The following ESRRB variants were observed in gnomAD, a reference collection of about 807,000 sequenced individuals.
ESRRB encodes estrogen related receptor beta, also known as steroid hormone receptor ERR2.
A neutral mutation model predicts 46.0 loss-of-function variants in ESRRB; 16 were observed. The observed-to-expected ratio is 0.35, with a 90% CI of 0.24 to 0.53. The LOEUF is 0.53. Ranked by LOEUF, ESRRB falls within the 20% of genes least tolerant of loss-of-function variation. ESRRB has a pLI of 0.93. For missense variants in ESRRB, 488 were observed against 607.4 expected, an observed-to-expected ratio of 0.80 and a Z score of 2.07; for synonymous variants, 246 against 259.6, an observed-to-expected ratio of 0.95 and a Z score of 0.50.
At chr14:76,463,015 G>A (rs1406272942) in intron 3 of ESRRB, among the ~76,000 whole-genome samples, 6 of 152,208 alleles carry the variant, frequency 3.9e-5, no homozygotes, top group Non-Finnish European at 7.3e-5. Flanking sequence ...TCAAGGGCTT[G>A]GGGGTGAAAA....
intron 1 of ESRRB, among the ~76,000 whole-genome samples, chr14:76,332,830 AT>A (rs1884049439): frequency 1.4e-4 from 3 of 22,134 alleles, no homozygotes; most frequent in Non-Finnish European, 2.5e-4. Flanking sequence ...TTATATATTT[AT>A]ATATTATATA....
At chr14:76,335,570 A>C (rs564677132) in intron 1 of ESRRB, among the ~76,000 whole-genome samples, 2 of 152,334 alleles carry the variant, frequency 1.3e-5, no homozygotes, top group East Asian at 3.9e-4. Flanking sequence ...GTGTACAGTT[A>C]GGTGAAAAGG....
chr14:76,452,620 C>CAAAAAA (rs766430065), intron 2 of ESRRB, among the ~76,000 whole-genome samples: 2 of 39,270 alleles, frequency 5.1e-5, no homozygotes, highest in Admixed American at 2.9e-4. Context: ...ACTCTGTCTC[C>CAAAAAA]AAAAAAAAAA....
At chr14:76,408,591 CAAAAAAAA>C (rs35955826) in intron 1 of ESRRB, among the ~76,000 whole-genome samples, 24 of 42,152 alleles carry the variant, frequency 5.7e-4, no homozygotes, top group African/African-American at 1.2e-3. Context: ...GACCCTGTCT[CAAAAAAAA>C]AAAAAAAAAA....
intron 1 of ESRRB, among the ~76,000 whole-genome samples, chr14:76,427,598 C>A (rs1004373801): frequency 2.6e-5 from 4 of 152,130 alleles, no homozygotes; most frequent in African/African-American, 9.7e-5. Flanking sequence ...AGAGAGGGAG[C>A]AAGACAGTCT....
At chr14:76,440,588 CCT>C (rs142942413) in intron 2 of ESRRB, among the ~76,000 whole-genome samples, 13 of 149,422 alleles carry the variant, frequency 8.7e-5, no homozygotes, top group Non-Finnish European at 1.2e-4. Context: ...TTCCTCCCTT[CCT>C]CTCTCTCTCT....
In ESRRB at chr14:76,491,445, A is replaced by T. The variant is rs1261105707; in HGVS notation, c.851-2A>T. 4 of 1,607,140 alleles carry T rather than the reference A, an allele frequency of 2.5e-6. No individual in the cohort carries two copies. The Admixed American group carries it at 5.1e-5, about 20-fold the overall frequency. ...TGCCCTCTGTGCCCCCTCTTCCTGC[A>T]GGCTTCTCAAGCCTCTCCCTGGGGG... is the stretch of plus-strand genomic sequence containing the variant. On this transcript the variant is annotated splice_acceptor_variant, in intron 5 of 6. Transcript: ENST00000644823. LOFTEE classifies it high-confidence loss of function.
At chr14:76,398,804 C>T (rs1192657460) in intron 1 of ESRRB, among the ~76,000 whole-genome samples, 1 of 152,078 alleles carries the variant, frequency 6.6e-6, no homozygotes, top group African/African-American at 2.4e-5. Flanking sequence ...AGGCTGTGTG[C>T]CTTGCTCAGG....
At position 76,394,649 on chromosome 14, in the gene ESRRB, G is replaced by C. The variant is rs552907209; in HGVS notation, c.50+18198G>C. Among the ~76,000 whole-genome samples, 35 of 152,356 alleles carry C rather than the reference G, an allele frequency of 2.3e-4. No individual in the cohort carries two copies. The South Asian group carries it at 7.3e-3, about 32-fold the overall frequency. On this transcript the variant is annotated intron_variant, in intron 1 of 6. Transcript: ENST00000644823. Reference sequence around the variant, plus strand: ...GGTGCAGAAGGAAAGCCAGGGCTTGGCCTCTTGACCTTTACCCAGAGCTGT... The same window carrying C: ...GGTGCAGAAGGAAAGCCAGGGCTTGCCCTCTTGACCTTTACCCAGAGCTGT...
At chr14:76,373,077 T>C (rs1421651450), upstream of ESRRB, among the ~76,000 whole-genome samples, 2 of 152,214 alleles carry the variant, frequency 1.3e-5, no homozygotes, top group South Asian at 2.1e-4. Context: ...TTAAAGGCAT[T>C]TGTCACAAAA....
chr14:76,449,760 C>T (rs1888304357), intron 2 of ESRRB, among the ~76,000 whole-genome samples: 1 of 130,188 alleles, frequency 7.7e-6, no homozygotes, highest in African/African-American at 3.7e-5. Flanking sequence ...TTTTTTCTTT[C>T]CTTTTTTTTT....
intron 1 of ESRRB, among the ~76,000 whole-genome samples, chr14:76,435,788 G>A (rs1374640181): frequency 2.0e-5 from 3 of 152,220 alleles, no homozygotes; most frequent in African/African-American, 4.8e-5. Flanking sequence ...CCGAGATCAC[G>A]CCATTGCATT....
At chr14:76,465,396 G>A (rs142983641) in intron 3 of ESRRB, among the ~76,000 whole-genome samples, 26 of 152,322 alleles carry the variant, frequency 1.7e-4, no homozygotes, top group African/African-American at 5.8e-4. Flanking sequence ...ACTTTCTAGT[G>A]GCTTCCCAGA....
upstream of ESRRB, chr14:76,371,475 A>C (rs1050319641): frequency 1.3e-5 from 2 of 152,302 alleles, no homozygotes; most frequent in African/African-American, 4.8e-5. Flanking sequence ...TGGCAATGGA[A>C]GCTCTTCCTG....
At chr14:76,364,237 C>T (rs932741208) in intron 1 of ESRRB, among the ~76,000 whole-genome samples, 13 of 152,166 alleles carry the variant, frequency 8.5e-5, no homozygotes, top group Non-Finnish European at 1.6e-4. Context: ...AATAGAGTTT[C>T]TGTCTTTATT....
chr14:76,311,742 T>C (rs1267790154), intron 1 of ESRRB, among the ~76,000 whole-genome samples: 1 of 152,226 alleles, frequency 6.6e-6, no homozygotes, highest in Non-Finnish European at 1.5e-5. Context: ...TTGTCAAAGC[T>C]GTGCTTGTTT....
chr14:76,354,523 A>G (rs1884355233), intron 1 of ESRRB, among the ~76,000 whole-genome samples: 1 of 151,858 alleles, frequency 6.6e-6, no homozygotes, highest in Admixed American at 6.5e-5. Flanking sequence ...CCCGGGGGTG[A>G]GGGATTCATC....
chr14:76,439,287 C>T (rs1887808069), intron 1 of ESRRB, 54 bp from the exon 2 acceptor site: 3 of 1,605,294 alleles, frequency 1.9e-6, no homozygotes, highest in South Asian at 2.2e-5. Context: ...GCTGGACCCG[C>T]CCACCACACC....
In ESRRB at chr14:76,439,650, C is replaced by T; in HGVS notation, c.360C>T (p.Pro120=). The change falls in exon 2 of 7, where the codon CCC becomes CCT. Residue 120 remains proline, a synonymous_variant. Transcript: ENST00000644823. ...GCGAGTACATGCTCAACGCCATCCCCAAGCGCCTGTGCCTCGTGTGCGGGG... is the reference window on the plus strand; with the variant it reads ...GCGAGTACATGCTCAACGCCATCCCTAAGCGCCTGTGCCTCGTGTGCGGGG... ...IKCEYMLNAI[P]KRLCLVCGDI... is the part of the protein sequence containing the mutation. 6.2e-7 allele frequency: 1 copy of T among 1,614,254 alleles called. No individual in the cohort carries two copies. The highest frequency in any genetic ancestry group is 8.5e-7 in the Non-Finnish European group (1 of 1,180,040).
Sources: gnomAD v4.1 joint callset for allele counts (sites outside exome capture counted in the v4.1 genomes callset) on GRCh38, gnomAD v4.1.1 for gene constraint, MANE v1.5 for transcripts, NCBI Gene and HGNC (gene_info 2026-07-23, HGNC 2026-07-21) for gene names.